Variants in VPS35L observed in about 807,000 individuals in gnomAD.
VPS35L encodes VPS35 endosomal protein sorting factor like, also known as VPS35 endosomal protein-sorting factor-like.
In VPS35L, 83 loss-of-function variants were observed where a neutral mutation model predicts 133.0. The ratio of observed to expected loss-of-function variants is 0.62; its 90% CI spans 0.52 to 0.75. The LOEUF (loss-of-function observed/expected upper bound fraction) is 0.75. Ranked by LOEUF, VPS35L falls within the 30% of genes least tolerant of loss-of-function variation. The pLI, the probability that VPS35L is intolerant of heterozygous loss-of-function variation, is 0.00. For missense variants in VPS35L, 1,083 were observed against 1,206.8 expected (o/e 0.90, Z 1.52); for synonymous variants, 423 against 449.9 (o/e 0.94, Z 0.76).
At chr16:19,676,804 C>G (rs1041923194) in intron 27 of VPS35L, among the ~76,000 whole-genome samples, 1 of 152,180 alleles carries the variant, frequency 6.6e-6, no homozygotes, top group Non-Finnish European at 1.5e-5. Context: ...CTCAGGAGGA[C>G]AGACTTCATG....
chr16:19,614,347 G>GA (rs1373889118), intron 12 of VPS35L, among the ~76,000 whole-genome samples: 7 of 152,200 alleles, frequency 4.6e-5, no homozygotes, highest in Admixed American at 1.3e-4. Context: ...AATGCCATCT[G>GA]AAAAACATTA....
At chr16:19,625,723 G>T (rs773768928) in intron 14 of VPS35L, among the ~76,000 whole-genome samples, 2 of 152,116 alleles carry the variant, frequency 1.3e-5, no homozygotes, top group Non-Finnish European at 2.9e-5. Flanking sequence ...TCCCAGGCTG[G>T]AGTGCAGTGG....
intron 29 of VPS35L, among the ~76,000 whole-genome samples, chr16:19,696,185 T>G (rs1975904411): frequency 6.6e-6 from 1 of 152,092 alleles, no homozygotes; most frequent in Admixed American, 6.5e-5. Context: ...TGCCCGGCTA[T>G]CCTTTGTTTT....
Position 19,700,468 on chromosome 16 carries a change from A to G in VPS35L, c.2884A>G (p.Arg962Gly). ...GGCCCTCAGACTCCCTCTGCAAACA[A>G]GGACCTGACCCCCGGGCCCATCCCC... Reference protein sequence around the residue: ...ELALRLPLQTRT With the variant: ...ELALRLPLQTGT Residue 962 changes from arginine (R) to glycine (G), a missense_variant, in exon 31 of 31, where the codon AGG becomes GGG. Coordinates refer to ENST00000417362, the MANE Select transcript of VPS35L (RefSeq NM_020314.7). The G allele has an allele frequency of 6.2e-7, 1 of 1,614,040 alleles. No individual in the cohort carries two copies. The highest frequency in any genetic ancestry group is 8.5e-7 in the Non-Finnish European group (1 of 1,179,854).
chr16:19,587,531 G>A (rs1971906798), intron 7 of VPS35L: 5 of 245,586 alleles, frequency 2.0e-5, no homozygotes, highest in Non-Finnish European at 4.1e-5. Context: ...TGATACTCAA[G>A]GTTGAGGCAG....
intron 9 of VPS35L, among the ~76,000 whole-genome samples, chr16:19,606,151 G>T (rs1972531988): frequency 6.6e-6 from 1 of 152,232 alleles, no homozygotes. Context: ...CCTTTAGCCT[G>T]ATTTCCAACT....
intron 12 of VPS35L, among the ~76,000 whole-genome samples, chr16:19,613,555 T>G (rs1282073358): frequency 6.6e-6 from 1 of 152,334 alleles, no homozygotes; most frequent in East Asian, 1.9e-4. Flanking sequence ...TTTTATATGA[T>G]GGCCCATAGC....
At chr16:19,688,051 C>G (rs188887466) in intron 28 of VPS35L, among the ~76,000 whole-genome samples, 13 of 152,178 alleles carry the variant, frequency 8.5e-5, no homozygotes, top group Non-Finnish European at 1.5e-4. Context: ...CTCAGCCTCC[C>G]GAGTAGCTGG....
chr16:19,661,016 C>G (rs1053510839), intron 26 of VPS35L, among the ~76,000 whole-genome samples: 20 of 151,238 alleles, frequency 1.3e-4, no homozygotes, highest in Non-Finnish European at 2.7e-4. Context: ...CTTGTATGCT[C>G]TCTGCCTCTC....
chr16:19,631,381 A>G (rs1240731336), intron 18 of VPS35L, among the ~76,000 whole-genome samples: 1 of 152,204 alleles, frequency 6.6e-6, no homozygotes, highest in South Asian at 2.1e-4. Context: ...CCCTGTCACA[A>G]CAGCCTTTGA....
At chr16:19,645,450 C>T (rs913781539) in intron 23 of VPS35L, among the ~76,000 whole-genome samples, 2 of 152,072 alleles carry the variant, frequency 1.3e-5, no homozygotes, top group East Asian at 1.9e-4. Context: ...GCACCACGCC[C>T]GGCTAATTTT....
chr16:19,665,044 T>C (rs972630520), intron 26 of VPS35L, among the ~76,000 whole-genome samples: 9 of 152,094 alleles, frequency 5.9e-5, no homozygotes, highest in African/African-American at 2.2e-4. Context: ...CTAAAAAAAT[T>C]TTTGTGGGTA....
chr16:19,562,771 AAGAG>A (rs1971067480), intron 1 of VPS35L, among the ~76,000 whole-genome samples: 1 of 151,372 alleles, frequency 6.6e-6, no homozygotes, highest in African/African-American at 2.4e-5. Flanking sequence ...TTTTCTTTTT[AAGAG>A]AGAGAGACTC....
chr16:19,612,233 G>A (rs537855858), intron 12 of VPS35L, among the ~76,000 whole-genome samples: 5 of 151,114 alleles, frequency 3.3e-5, no homozygotes, highest in South Asian at 2.1e-4. Context: ...CACTGCACCC[G>A]GCCTTTTTTT....
At chr16:19,591,135 A>G (rs558554086) in intron 7 of VPS35L, among the ~76,000 whole-genome samples, 133 of 152,188 alleles carry the variant, frequency 8.7e-4, no homozygotes, top group Admixed American at 1.9e-3. Flanking sequence ...TTTGGGGGGA[A>G]TTTGGGACTG....
rs552333547 is a variant in VPS35L, at chr16:19,647,223, A to G, written c.1930-561A>G. 1.7e-4 allele frequency among the ~76,000 whole-genome samples: 26 copies of G among 152,316 alleles called. No individual in the cohort carries two copies. The South Asian group carries it at 3.3e-3, about 19-fold the overall frequency. On this transcript the variant is annotated intron_variant, in intron 23 of 30. Transcript: ENST00000417362. ...TTATCTTTTTACGGCATTGTCTGAA[A>G]GTTACCAAGTTATTATGGAAAAGAA...
chr16:19,569,536 AC>A lies in VPS35L; in HGVS notation c.235del (p.Leu79SerfsTer32). 1 of 1,601,940 alleles carries A rather than the reference AC, an allele frequency of 6.2e-7. No homozygotes were observed. The highest frequency in any genetic ancestry group is 8.5e-7 in the Non-Finnish European group (1 of 1,174,310). ...DPLSSVLDGT[D>X]PLSMFAATAD... ...CTGAGCAGCGTCCTCGATGGGACTG[AC>A]CCCCTCTCCATGTTTGCAGCCACTG... On this transcript the variant is annotated frameshift_variant, in exon 3 of 31. Coordinates refer to ENST00000417362, the MANE Select transcript of VPS35L (RefSeq NM_020314.7). LOFTEE classifies it high-confidence loss of function.
intron 16 of VPS35L, 73 bp from the exon 17 acceptor site, chr16:19,628,564 T>G: frequency 1.2e-6 from 1 of 834,102 alleles, no homozygotes; most frequent in Non-Finnish European, 1.9e-6. Flanking sequence ...ACCTTTTCTC[T>G]TTTCTTTTCT....
chr16:19,696,845 A>G (rs1247894655), intron 29 of VPS35L, among the ~76,000 whole-genome samples: 4 of 152,216 alleles, frequency 2.6e-5, no homozygotes, highest in Non-Finnish European at 4.4e-5. Flanking sequence ...CTCCCACTTC[A>G]GTGAAAGGTA....
Sources: allele counts gnomAD v4.1 joint callset (sites outside exome capture counted in the v4.1 genomes callset), GRCh38; gene constraint gnomAD v4.1.1; transcripts MANE v1.5; gene names NCBI Gene and HGNC (gene_info 2026-07-23, HGNC 2026-07-21).